Variants in AQP7B observed in about 807,000 individuals in gnomAD.
AQP7B encodes the protein putative aquaporin-7B.
the AQP7B span, among the ~76,000 whole-genome samples, chr2:94,593,267 G>T: frequency 6.6e-6 from 1 of 151,788 alleles, no homozygotes; most frequent in South Asian, 2.1e-4. Context: ...AGAAAAGAAG[G>T]CTGGCGGGTA....
the AQP7B span, among the ~76,000 whole-genome samples, chr2:94,594,024 C>T: frequency 6.6e-6 from 1 of 152,208 alleles, no homozygotes; most frequent in Non-Finnish European, 1.5e-5. Context: ...TATTTATTCA[C>T]ATCTACTATG....
the AQP7B span, among the ~76,000 whole-genome samples, chr2:94,600,070 G>A: frequency 6.6e-6 from 1 of 151,732 alleles, no homozygotes; most frequent in African/African-American, 2.4e-5. Context: ...GTAGAGACGG[G>A]GTTTTGTCAT....
the AQP7B span, among the ~76,000 whole-genome samples, chr2:94,599,578 C>T: frequency 2.6e-5 from 4 of 152,116 alleles, no homozygotes; most frequent in African/African-American, 9.7e-5. Context: ...CCACATATCA[C>T]CCCTTGGCTG....
the AQP7B span, among the ~76,000 whole-genome samples, chr2:94,595,679 G>A: frequency 1.3e-5 from 2 of 152,068 alleles, no homozygotes; most frequent in African/African-American, 4.8e-5. Flanking sequence ...AGAGGGTGAT[G>A]ACTGATCTGG....
At chr2:94,590,861 T>A in the AQP7B span, among the ~76,000 whole-genome samples, 1 of 149,224 alleles carries the variant, frequency 6.7e-6, no homozygotes, top group Non-Finnish European at 1.5e-5. Flanking sequence ...GGAGGATCAC[T>A]TGAACCCTGG....
At chr2:94,595,107 G>A in the AQP7B span, among the ~76,000 whole-genome samples, 1 of 152,142 alleles carries the variant, frequency 6.6e-6, no homozygotes, top group Non-Finnish European at 1.5e-5. Flanking sequence ...CCGGGGCACG[G>A]CTGGAAATGG....
the AQP7B span, among the ~76,000 whole-genome samples, chr2:94,601,857 G>A: frequency 1.3e-5 from 2 of 152,084 alleles, no homozygotes; most frequent in Non-Finnish European, 1.5e-5. Context: ...AGGGTAATGG[G>A]CCTGAAGGTA....
chr2:94,601,850 G>C, the AQP7B span, among the ~76,000 whole-genome samples: 1 of 152,118 alleles, frequency 6.6e-6, no homozygotes, highest in Non-Finnish European at 1.5e-5. Context: ...TAGACTGAGG[G>C]TAATGGGCCT....
chr2:94,587,335 G>A, the AQP7B span, among the ~76,000 whole-genome samples: 1 of 152,194 alleles, frequency 6.6e-6, no homozygotes, highest in Non-Finnish European at 1.5e-5. Context: ...CAGTCACGGA[G>A]GAAGAAGATC....
the AQP7B span, chr2:94,603,269 G>T: frequency 5.0e-6 from 7 of 1,393,500 alleles, no homozygotes; most frequent in African/African-American, 1.0e-4. Context: ...GTAAAAAATA[G>T]CTGGGAGAAA....
At chr2:94,595,819 C>T in the AQP7B span, among the ~76,000 whole-genome samples, 1 of 152,062 alleles carries the variant, frequency 6.6e-6, no homozygotes, top group Non-Finnish European at 1.5e-5. Context: ...GGGTGAGAGG[C>T]AAGATGCCTG....
At chr2:94,590,349 AT>A in the AQP7B span, among the ~76,000 whole-genome samples, 928 of 147,786 alleles carry the variant, frequency 6.3e-3, 6 homozygotes, top group African/African-American at 0.016. Context: ...CGCCCAGCTA[AT>A]TTTTTTTTTT....
the AQP7B span, among the ~76,000 whole-genome samples, chr2:94,589,917 A>G: frequency 2.0e-5 from 3 of 151,982 alleles, no homozygotes; most frequent in Non-Finnish European, 1.5e-5. Flanking sequence ...ATCTCCTAAA[A>G]TATCTAGAAT....
At chr2:94,603,842 T>C in the AQP7B span, 5 of 1,455,432 alleles carry the variant, frequency 3.4e-6, no homozygotes, top group African/African-American at 7.0e-5. Flanking sequence ...TCCCATGGCA[T>C]AAACACAGGA....
chr2:94,603,770 A>G, the AQP7B span: 1 of 1,540,246 alleles, frequency 6.5e-7, no homozygotes, highest in East Asian at 2.3e-5. Flanking sequence ...CAGGAGAACA[A>G]CCCAGCACTG....
At chr2:94,602,082 G>A in the AQP7B span, among the ~76,000 whole-genome samples, 11 of 151,302 alleles carry the variant, frequency 7.3e-5, no homozygotes, top group South Asian at 4.2e-4. Context: ...AGAGTCAGGT[G>A]TGGATGGATT....
the AQP7B span, chr2:94,603,396 C>T: frequency 1.2e-5 from 19 of 1,607,288 alleles, no homozygotes; most frequent in Middle Eastern, 1.3e-3. Flanking sequence ...CCATTCTCCA[C>T]TTTTCGGGTG....
the AQP7B span, among the ~76,000 whole-genome samples, chr2:94,597,775 T>C: frequency 6.6e-6 from 1 of 152,124 alleles, no homozygotes; most frequent in African/African-American, 2.4e-5. Flanking sequence ...CAGCCAATTT[T>C]TGTATTTTTA....
At chr2:94,590,279 C>T in the AQP7B span, among the ~76,000 whole-genome samples, 1 of 152,198 alleles carries the variant, frequency 6.6e-6, no homozygotes, top group Non-Finnish European at 1.5e-5. Flanking sequence ...GCTTCTTGGG[C>T]TCAAGTGATT....
Sources: allele counts gnomAD v4.1 joint callset (sites outside exome capture counted in the v4.1 genomes callset), GRCh38; gene constraint gnomAD v4.1.1; transcripts MANE v1.5; gene names NCBI Gene and HGNC (gene_info 2026-07-23, HGNC 2026-07-21).